MMRN1: variants seen among roughly 807,000 people sequenced by gnomAD.
MMRN1 encodes multimerin 1.
In MMRN1, 94 loss-of-function variants were observed where a neutral mutation model predicts 100.7. That is an observed-to-expected ratio of 0.93 (90% CI 0.79 to 1.11). The LOEUF (loss-of-function observed/expected upper bound fraction) is 1.11. MMRN1 is among the 50% of genes least tolerant of loss of function. The pLI, the probability that MMRN1 is intolerant of heterozygous loss-of-function variation, is 0.00. For missense variants in MMRN1, 1,606 were observed against 1,439.1 expected (o/e 1.12, Z -1.88); for synonymous variants, 575 against 505.0 (o/e 1.14, Z -1.86).
chr4:89,941,800 A>G (rs981405883), intron 6 of MMRN1, among the ~76,000 whole-genome samples: 8 of 152,148 alleles, frequency 5.3e-5, no homozygotes, highest in Non-Finnish European at 8.8e-5. Flanking sequence ...TCATGTCAGA[A>G]CTGGTTAGGA....
At position 89,935,522 on chromosome 4, in the gene MMRN1, A is replaced by C; in HGVS notation, c.1842A>C (p.Leu614Phe). Reference protein sequence around the residue: ...KFQLKDTEENLHVLNQTLAEV... With the variant: ...KFQLKDTEENFHVLNQTLAEV... Reference sequence around the variant, plus strand: ...AACTTAAGGACACAGAAGAGAATTTACATGTGTTAAATCAAACATTGGCTG... The same window carrying C: ...AACTTAAGGACACAGAAGAGAATTTCCATGTGTTAAATCAAACATTGGCTG... The change falls in exon 6 of 8, where the codon TTA (leucine) becomes TTC (phenylalanine). Residue 614 changes from leucine to phenylalanine, a missense_variant. Leu to Phe is a conservative substitution (Grantham distance 22). Transcript: ENST00000264790. 1.9e-6 allele frequency: 3 copies of C among 1,613,272 alleles called. No individual in the cohort carries two copies. The highest frequency in any genetic ancestry group is 2.5e-6 in the Non-Finnish European group (3 of 1,179,674).
intron 1 of MMRN1, among the ~76,000 whole-genome samples, chr4:89,904,754 T>C (rs1244513750): frequency 2.0e-5 from 3 of 151,786 alleles, no homozygotes; most frequent in African/African-American, 7.2e-5. Flanking sequence ...GTTCTCAAAT[T>C]AGGGTAGTGT....
Position 89,950,677 on chromosome 4 carries a change from AT to A in MMRN1, c.3119-921del, listed in dbSNP as rs369700919. Among the ~76,000 whole-genome samples, 1,236 of 151,522 alleles carry A rather than the reference AT, an allele frequency of 8.2e-3. 20 individuals carry two copies. The highest frequency in any genetic ancestry group is 0.028 in the African/African-American group (1,163 of 41,296). Reference sequence around the variant, plus strand: ...TGATACATTCTCCGTTTTTTAACTTATTTTTTTCTGATCTGTAAGTGAAGAC... The same window carrying A: ...TGATACATTCTCCGTTTTTTAACTTATTTTTTCTGATCTGTAAGTGAAGAC... On this transcript the variant is annotated intron_variant, in intron 6 of 7. Coordinates refer to ENST00000264790, the MANE Select transcript of MMRN1 (RefSeq NM_007351.3).
chr4:89,944,198 T>G (rs992638204), intron 6 of MMRN1, among the ~76,000 whole-genome samples: 2 of 152,222 alleles, frequency 1.3e-5, no homozygotes, highest in Non-Finnish European at 2.9e-5. Flanking sequence ...TTTAATTTTT[T>G]TCTCTATTTT....
rs1721153098 is a variant in MMRN1 at position 89,895,180 on chromosome 4, A to G, written c.209A>G (p.Glu70Gly). ...TCGGCGGAGATAGCTACAACTCCAG[A>G]GGCAAGAACTTCTGAAGACAGTCTT... ...VMSAEIATTP[E>G]ARTSEDSLLK... The change falls in exon 1 of 8, where the codon GAG (glutamate) becomes GGG (glycine). Residue 70 changes from glutamate to glycine, a missense_variant. By Grantham distance (98) the Glu-to-Gly change is moderately conservative. Coordinates refer to ENST00000264790, the MANE Select transcript of MMRN1 (RefSeq NM_007351.3). 6.2e-7 allele frequency: 1 copy of G among 1,613,760 alleles called. No individual in the cohort carries two copies. Among genetic ancestry groups the G allele is most frequent in the Non-Finnish European group, 8.5e-7 (1 of 1,179,928 alleles).
At chr4:89,885,922 C>T (rs570174192) in intron 1 of MMRN1, among the ~76,000 whole-genome samples, 2 of 152,034 alleles carry the variant, frequency 1.3e-5, no homozygotes, top group East Asian at 3.9e-4. Flanking sequence ...CTTCCTTCTA[C>T]TAACTTTGGG....
chr4:89,934,704 T>A, intron 5 of MMRN1, 106 bp from the exon 6 acceptor site: 1 of 566,778 alleles, frequency 1.8e-6, no homozygotes, highest in African/African-American at 2.0e-5. Context: ...GAGGTATTTT[T>A]ATTATTACGT....
intron 1 of MMRN1, among the ~76,000 whole-genome samples, 166 bp from the exon 2 acceptor site, chr4:89,909,109 TA>T (rs1721658829): frequency 6.6e-6 from 1 of 151,526 alleles, no homozygotes; most frequent in Non-Finnish European, 1.5e-5. Flanking sequence ...AATACAGTAA[TA>T]AGTTATTTTC....
At chr4:89,924,483 A>G (rs975457700) in intron 4 of MMRN1, among the ~76,000 whole-genome samples, 1 of 151,892 alleles carries the variant, frequency 6.6e-6, no homozygotes, top group Non-Finnish European at 1.5e-5. Context: ...TGTTTGAATT[A>G]CCTTCAAACC....
intron 3 of MMRN1, among the ~76,000 whole-genome samples, chr4:89,921,576 A>G (rs1451286448): frequency 1.3e-5 from 2 of 152,186 alleles, no homozygotes; most frequent in Non-Finnish European, 2.9e-5. Flanking sequence ...AAGAAGATTT[A>G]CACTTTTCCC....
In MMRN1 at chr4:89,936,472, G is replaced by A. The variant is rs1473473955; in HGVS notation, c.2792G>A (p.Cys931Tyr). The change falls in exon 6 of 8, where the codon TGT becomes TAT. Residue 931 changes from cysteine (C) to tyrosine (Y), a missense_variant. Transcript: ENST00000264790. ...NKTLHEVLTM[C>Y]HNASTSVSEL... is the part of the protein sequence containing the mutation. ...ACTCTCCACGAAGTTTTAACAATGTGTCACAATGCTTCTACAAGTGTGTCA... is the reference window on the plus strand; with the variant it reads ...ACTCTCCACGAAGTTTTAACAATGTATCACAATGCTTCTACAAGTGTGTCA... 1 of 1,613,086 alleles carries A rather than the reference G, an allele frequency of 6.2e-7. No homozygotes were observed. Among genetic ancestry groups the A allele is most frequent in the East Asian group, 2.2e-5 (1 of 44,788 alleles).
chr4:89,886,530 T>C (rs537104331), intron 1 of MMRN1, among the ~76,000 whole-genome samples: 25 of 152,214 alleles, frequency 1.6e-4, no homozygotes, highest in Non-Finnish European at 3.2e-4. Context: ...TTGTTGGATG[T>C]TCTATGAATA....
intron 6 of MMRN1, among the ~76,000 whole-genome samples, chr4:89,949,016 T>C (rs1172639021): frequency 6.6e-6 from 1 of 152,068 alleles, no homozygotes; most frequent in Non-Finnish European, 1.5e-5. Context: ...TGGGGTAAAA[T>C]AGCACCCTCT....
At chr4:89,910,214 C>T (rs763430688) in intron 2 of MMRN1, among the ~76,000 whole-genome samples, 13 of 151,406 alleles carry the variant, frequency 8.6e-5, no homozygotes, top group Non-Finnish European at 1.6e-4. Flanking sequence ...GACCTAAGCA[C>T]ATCTTAGGGA....
chr4:89,947,754 A>G (rs1723032881), intron 6 of MMRN1, among the ~76,000 whole-genome samples: 1 of 152,222 alleles, frequency 6.6e-6, no homozygotes, highest in Admixed American at 6.5e-5. Flanking sequence ...CCTATTAAGC[A>G]CAAATATGAG....
chr4:89,895,486 G>A lies in MMRN1; in HGVS notation c.515G>A (p.Gly172Glu). 6.2e-7 allele frequency: 1 copy of A among 1,613,836 alleles called. No homozygotes were observed. The highest frequency in any genetic ancestry group is 2.2e-5 in the East Asian group (1 of 44,748). Residue 172 changes from glycine to glutamate, a missense_variant, in exon 1 of 8, where the codon GGA becomes GAA. Transcript: ENST00000264790. Reference sequence around the variant, plus strand: ...GGCATTGGAGGCGTTGGAGGCACTGGAGGCGTGGGAAATCGAGCCCCACGG... The same window carrying A: ...GGCATTGGAGGCGTTGGAGGCACTGAAGGCGTGGGAAATCGAGCCCCACGG... ...TGGIGGVGGTGGVGNRAPRET... is the reference protein window; with the variant it reads ...TGGIGGVGGTEGVGNRAPRET...
chr4:89,889,301 C>T (rs894687555), intron 1 of MMRN1, among the ~76,000 whole-genome samples: 8 of 152,074 alleles, frequency 5.3e-5, no homozygotes, highest in African/African-American at 1.4e-4. Flanking sequence ...GTGTGTGATA[C>T]GAGGCCTAAA....
chr4:89,953,107 T>G lies in MMRN1; in HGVS notation c.3376T>G (p.Tyr1126Asp). 1 of 1,613,912 alleles carries G rather than the reference T, an allele frequency of 6.2e-7. No individual in the cohort carries two copies. Among genetic ancestry groups the G allele is most frequent in the Non-Finnish European group, 8.5e-7 (1 of 1,179,886 alleles). Reference protein sequence around the residue: ...PILFNNLDVNYGASYTPRTGK... With the variant: ...PILFNNLDVNDGASYTPRTGK... Reference sequence around the variant, plus strand: ...CCTGTTTAATAACTTGGATGTCAATTATGGAGCTTCATATACCCCAAGAAC... The same window carrying G: ...CCTGTTTAATAACTTGGATGTCAATGATGGAGCTTCATATACCCCAAGAAC... The change falls in exon 8 of 8, where the codon TAT becomes GAT. Residue 1126 changes from tyrosine (Y) to aspartate (D), a missense_variant. Tyr to Asp is a radical substitution (Grantham distance 160, BLOSUM62 -3). Coordinates refer to ENST00000264790, the MANE Select transcript of MMRN1 (RefSeq NM_007351.3).
chr4:89,939,003 C>CA (rs1722741162), intron 6 of MMRN1, among the ~76,000 whole-genome samples: 1 of 152,142 alleles, frequency 6.6e-6, no homozygotes, highest in Non-Finnish European at 1.5e-5. Context: ...TTAAGCCAGC[C>CA]ATACTTCCAT....
Sources: allele counts gnomAD v4.1 joint callset (sites outside exome capture counted in the v4.1 genomes callset), GRCh38; gene constraint gnomAD v4.1.1; transcripts MANE v1.5; gene names NCBI Gene and HGNC (gene_info 2026-07-23, HGNC 2026-07-21).